Variants in LRRFIP1 observed in about 807,000 individuals in gnomAD.
LRRFIP1 encodes the protein LRR binding FLII interacting protein 1, also known as leucine-rich repeat flightless-interacting protein 1.
A neutral mutation model predicts 104.4 loss-of-function variants in LRRFIP1; 62 were observed. The observed-to-expected ratio is 0.59, with a 90% confidence interval of 0.48 to 0.73. LRRFIP1 has a LOEUF of 0.73. LRRFIP1 is among the 30% of genes least tolerant of loss of function. The probability of loss-of-function intolerance (pLI) is 0.00; values close to 1 mark genes in which losing one functional copy is unlikely to be tolerated. For missense variants in LRRFIP1, 796 were observed against 824.5 expected, an observed-to-expected ratio of 0.97 and a Z score of 0.42; for synonymous variants, 300 against 299.0, an observed-to-expected ratio of 1.00 and a Z score of -0.03.
intron 8 of LRRFIP1, among the ~76,000 whole-genome samples, chr2:237,730,919 GACAAACAAACAA>G (rs3053643): frequency 7.9e-5 from 12 of 151,304 alleles, no homozygotes; most frequent in Admixed American, 2.6e-4. Context: ...TTCCATCTCA[GACAAACAAACAA>G]ACAAACAAAC....
At chr2:237,758,912 A>T in intron 18 of LRRFIP1, 91 bp downstream of exon 18, 1 of 767,494 alleles carries the variant, frequency 1.3e-6, no homozygotes, top group South Asian at 1.7e-5. Context: ...ATATGTGTGT[A>T]CATAATTCAT....
At chr2:237,745,481 A>G (rs1004065350) in intron 11 of LRRFIP1, among the ~76,000 whole-genome samples, 1 of 152,232 alleles carries the variant, frequency 6.6e-6, no homozygotes, top group East Asian at 1.9e-4. Context: ...TAAAAACAGC[A>G]AACTATGGTT....
At chr2:237,667,585 G>C (rs547686158) in intron 1 of LRRFIP1, among the ~76,000 whole-genome samples, 2 of 152,290 alleles carry the variant, frequency 1.3e-5, no homozygotes, top group African/African-American at 2.4e-5. Context: ...AATGGGATTG[G>C]TGGGTCAAAC....
At chr2:237,664,146 G>T (rs2088694935) in intron 1 of LRRFIP1, among the ~76,000 whole-genome samples, 1 of 152,246 alleles carries the variant, frequency 6.6e-6, no homozygotes, top group South Asian at 2.1e-4. Flanking sequence ...GGGTCCTGGC[G>T]GCCTCAGCCA....
At chr2:237,645,281 C>T (rs1252860327) in intron 1 of LRRFIP1, among the ~76,000 whole-genome samples, 3 of 152,208 alleles carry the variant, frequency 2.0e-5, no homozygotes, top group Non-Finnish European at 4.4e-5. Flanking sequence ...TTATTCGGTG[C>T]AACCAGTGAA....
rs1020812371 is a variant in LRRFIP1 at position 237,711,639 on chromosome 2, T to C, written c.184-2620T>C. Among the ~76,000 whole-genome samples, 3 of 152,202 alleles carry C rather than the reference T, an allele frequency of 2.0e-5. No homozygotes were observed. The highest frequency in any genetic ancestry group is 7.2e-5 in the African/African-American group (3 of 41,458). On this transcript the variant is annotated intron_variant, in intron 2 of 23. Transcript: ENST00000308482. The surrounding 1 kb of genome is among the most constrained non-coding windows in gnomAD (Gnocchi z 4.4). ...GTGGGCGCGGCTGTGGACTCCTGCC[T>C]GGGGTTGGTCACGGACCAGGAGCCA...
intron 14 of LRRFIP1, among the ~76,000 whole-genome samples, chr2:237,752,020 G>A (rs542543497): frequency 2.2e-4 from 34 of 152,260 alleles, no homozygotes; most frequent in African/African-American, 7.2e-4. Context: ...AGACAGAGGA[G>A]GTGACATCGA....
rs1316749768 is a variant in LRRFIP1, at chr2:237,756,555, A to T, written c.1131+368A>T. Among the ~76,000 whole-genome samples, 4 of 152,354 alleles carry T rather than the reference A, an allele frequency of 2.6e-5. No individual in the cohort carries two copies. The East Asian group carries it at 5.8e-4, about 22-fold the overall frequency. ...AAAAACCCTATCTCCAAATACAGTCACATTGGGCATTAGGGCTTCAACAGA... is the reference window on the plus strand; with the variant it reads ...AAAAACCCTATCTCCAAATACAGTCTCATTGGGCATTAGGGCTTCAACAGA... On this transcript the variant is annotated intron_variant, in intron 16 of 23. Coordinates refer to ENST00000308482, the MANE Select transcript of LRRFIP1 (RefSeq NM_001137550.2).
At position 237,674,829 on chromosome 2, in the gene LRRFIP1, T is replaced by C. The variant is rs149264987; in HGVS notation, c.97-33715T>C. Among the ~76,000 whole-genome samples the C allele has an allele frequency of 3.4e-3, 517 of 152,386 alleles. 10 individuals are homozygous for C. In the East Asian group the frequency reaches 0.047, roughly 14 times the overall value. On this transcript the variant is annotated intron_variant, in intron 1 of 23. Coordinates refer to ENST00000308482, the MANE Select transcript of LRRFIP1 (RefSeq NM_001137550.2). ...GCTGAGAGCTGGGGAAATGGTTTCA[T>C]GCATCACTGTCAGTATTTGGTGGAA...
chr2:237,704,521 G>GT (rs2149960386), intron 1 of LRRFIP1, among the ~76,000 whole-genome samples: 1 of 152,308 alleles, frequency 6.6e-6, no homozygotes, highest in East Asian at 1.9e-4. Context: ...TAAGTGTGTA[G>GT]TTTTGTGTTC....
intron 1 of LRRFIP1, among the ~76,000 whole-genome samples, chr2:237,677,605 A>C (rs912168196): frequency 1.4e-4 from 21 of 152,244 alleles, no homozygotes; most frequent in Non-Finnish European, 2.1e-4. Context: ...CAGCCTAGGC[A>C]ACATAGCAAG....
chr2:237,690,834 A>G (rs2092708789), intron 1 of LRRFIP1, among the ~76,000 whole-genome samples: 1 of 152,170 alleles, frequency 6.6e-6, no homozygotes, highest in Non-Finnish European at 1.5e-5. Flanking sequence ...GCATTTCATT[A>G]TCTTTGAAAG....
At chr2:237,748,595 A>C (rs1443197716) in intron 12 of LRRFIP1, among the ~76,000 whole-genome samples, 196 bp downstream of exon 12, 1 of 152,066 alleles carries the variant, frequency 6.6e-6, no homozygotes, top group Non-Finnish European at 1.5e-5. Context: ...TAGATCCTGT[A>C]GAGCAGGGAG....
intron 1 of LRRFIP1, among the ~76,000 whole-genome samples, chr2:237,654,824 A>C (rs147091653): frequency 0.027 from 4,136 of 152,316 alleles, 190 homozygotes; most frequent in African/African-American, 0.093. Flanking sequence ...TGCTGGGATT[A>C]CAGGCGTGAG....
chr2:237,702,245 G>GTCGTGGT (rs1433701616), intron 1 of LRRFIP1, among the ~76,000 whole-genome samples: 1 of 152,182 alleles, frequency 6.6e-6, no homozygotes, highest in Non-Finnish European at 1.5e-5. Context: ...TAGAACTCGA[G>GTCGTGGT]TCGTGGTTCG....
rs112980538 is a variant in LRRFIP1 at position 237,780,515 on chromosome 2, C to T, written c.*983C>T. On this transcript the variant is annotated 3_prime_UTR_variant, in exon 24 of 24. Coordinates refer to ENST00000308482, the MANE Select transcript of LRRFIP1 (RefSeq NM_001137550.2). ...GTGAAGGAGGAGGTAACAGTAGAGA[C>T]GATGGCAATATCATCAAGGACAAAA... Among the ~76,000 whole-genome samples the T allele has an allele frequency of 0.026, 4,008 of 152,174 alleles. 173 individuals are homozygous for T. Among genetic ancestry groups the T allele is most frequent in the African/African-American group, 0.089 (3,695 of 41,482 alleles).
intron 1 of LRRFIP1, among the ~76,000 whole-genome samples, chr2:237,671,614 G>A (rs533166111): frequency 3.7e-4 from 57 of 152,064 alleles, no homozygotes; most frequent in Non-Finnish European, 7.6e-4. Context: ...GGGGCAGCAA[G>A]GAGTGGCTCA....
chr2:237,688,441 CTTTTTTTTTTTTTTCTTT>C (rs1324145538), intron 1 of LRRFIP1, among the ~76,000 whole-genome samples: 1 of 132,510 alleles, frequency 7.5e-6, no homozygotes, highest in African/African-American at 2.8e-5. Context: ...GATGGACCCC[CTTTTTTTTTTTTTTCTTT>C]TTTTTTTTTT....
intron 23 of LRRFIP1, among the ~76,000 whole-genome samples, chr2:237,776,143 A>G (rs1487018015): frequency 2.0e-5 from 3 of 151,770 alleles, no homozygotes; most frequent in Admixed American, 1.3e-4. Context: ...GTGTTTTTGT[A>G]GAGACGGGGT....
Sources: gnomAD v4.1 joint callset for allele counts (sites outside exome capture counted in the v4.1 genomes callset) on GRCh38, gnomAD v4.1.1 for gene constraint, Gnocchi (gnomAD v3.1) non-coding constraint, MANE v1.5 for transcripts, NCBI Gene and HGNC (gene_info 2026-07-23, HGNC 2026-07-21) for gene names.